Variants in PLEKHH2 observed in about 807,000 individuals in gnomAD.
PLEKHH2 encodes pleckstrin homology, MyTH4 and FERM domain containing H2, also known as pleckstrin homology domain-containing family H member 2.
In PLEKHH2, 129 loss-of-function variants were observed where a neutral mutation model predicts 187.9. The observed-to-expected ratio is 0.69, with a 90% CI of 0.59 to 0.79. The LOEUF (loss-of-function observed/expected upper bound fraction) is 0.79. Ranked by LOEUF, PLEKHH2 falls within the 30% of genes least tolerant of loss-of-function variation. PLEKHH2 has a pLI of 0.00. For synonymous variants in PLEKHH2, 686 were observed against 605.6 expected (o/e 1.13, Z -1.95); for missense variants, 2,076 against 1,751.2 (o/e 1.19, Z -3.31).
chr2:43,648,164 G>T (rs1426975811), intron 2 of PLEKHH2, among the ~76,000 whole-genome samples: 1 of 152,046 alleles, frequency 6.6e-6, no homozygotes, highest in Non-Finnish European at 1.5e-5. Flanking sequence ...TTATTTTCCT[G>T]TGTCTTTCTG....
chr2:43,686,386 G>A (rs1668509424), intron 3 of PLEKHH2, among the ~76,000 whole-genome samples: 1 of 152,088 alleles, frequency 6.6e-6, no homozygotes, highest in East Asian at 1.9e-4. Flanking sequence ...TAGTAGAGAC[G>A]GTGTTTCATC....
chr2:43,746,086 A>G, intron 24 of PLEKHH2, 123 bp downstream of exon 24: 1 of 562,074 alleles, frequency 1.8e-6, no homozygotes, highest in Non-Finnish European at 2.8e-6. Context: ...GTCTTTCTAT[A>G]AATGATAACT....
intron 8 of PLEKHH2, among the ~76,000 whole-genome samples, chr2:43,703,515 G>C (rs1669493422): frequency 6.6e-6 from 1 of 152,046 alleles, no homozygotes; most frequent in Non-Finnish European, 1.5e-5. Flanking sequence ...TCCATTCTTT[G>C]TTTAACCATG....
chr2:43,671,018 C>T (rs1485053680), intron 2 of PLEKHH2, among the ~76,000 whole-genome samples: 1 of 151,004 alleles, frequency 6.6e-6, no homozygotes, highest in East Asian at 1.9e-4. Context: ...AAGTGTCGCC[C>T]TTGTCCCCCA....
chr2:43,643,475 G>A (rs1165747678), intron 1 of PLEKHH2, among the ~76,000 whole-genome samples: 1 of 152,086 alleles, frequency 6.6e-6, no homozygotes, highest in Non-Finnish European at 1.5e-5. Context: ...CAATCTTCAT[G>A]CTAGGAAAAT....
chr2:43,648,560 C>CAT (rs3223391), intron 2 of PLEKHH2, among the ~76,000 whole-genome samples: 4 of 137,956 alleles, frequency 2.9e-5, no homozygotes, highest in East Asian at 4.5e-4. Flanking sequence ...TAATTACATT[C>CAT]GTGTGTGTGT....
At chr2:43,693,291 A>G (rs1668912589) in intron 4 of PLEKHH2, among the ~76,000 whole-genome samples, 1 of 152,126 alleles carries the variant, frequency 6.6e-6, no homozygotes, top group Non-Finnish European at 1.5e-5. Context: ...ATGCCCCTAA[A>G]TTGTTTGCAA....
chr2:43,702,527 C>A (rs1319918673), intron 8 of PLEKHH2, among the ~76,000 whole-genome samples: 2 of 57,400 alleles, frequency 3.5e-5, no homozygotes, highest in Non-Finnish European at 3.0e-5. Flanking sequence ...CATTCTACTA[C>A]TTTTTTTTTT....
intron 2 of PLEKHH2, among the ~76,000 whole-genome samples, chr2:43,656,136 T>G (rs534633151): frequency 2.0e-5 from 3 of 152,126 alleles, no homozygotes; most frequent in Non-Finnish European, 4.4e-5. Context: ...TTTGTATTTT[T>G]GATAGAGATG....
Position 43,731,378 on chromosome 2 carries a change from C to T in PLEKHH2, c.2831-112C>T, listed in dbSNP as rs115285829. 1,666 of 704,172 alleles carry T rather than the reference C, an allele frequency of 2.4e-3. 16 individuals are homozygous for T. In the African/African-American group the frequency reaches 0.026, roughly 11 times the overall value. The allele number at this position is 704,172 out of a possible 1,614,324, so 43.6% of individuals were successfully genotyped here. On this transcript the variant is annotated intron_variant, in intron 18 of 29. Coordinates refer to ENST00000282406, the MANE Select transcript of PLEKHH2 (RefSeq NM_172069.4). ...AAGAGTTTTTTTCTGACCTTTGTGA[C>T]TTAAAGTTGTGAGCCAAGCCTGAAT...
At chr2:43,731,665 G>T (rs1468594038) in intron 19 of PLEKHH2, 63 bp downstream of exon 19, 1 of 1,053,232 alleles carries the variant, frequency 9.5e-7, no homozygotes, top group East Asian at 3.1e-5. Context: ...TTAAATAATT[G>T]GAAAAAAATT....
rs543014174 is a variant in PLEKHH2 at position 43,738,058 on chromosome 2, T to C, written c.2944-283T>C. On this transcript the variant is annotated intron_variant, in intron 19 of 29. Coordinates refer to ENST00000282406, the MANE Select transcript of PLEKHH2 (RefSeq NM_172069.4). ...TCACATGTATTCTGAAGCTCTGTTA[T>C]TAAGTATGTAGATGTTTAGGATTGT... Among the ~76,000 whole-genome samples, 16 of 152,328 alleles carry C rather than the reference T, an allele frequency of 1.1e-4. No homozygotes were observed. In the East Asian group the frequency reaches 3.1e-3, roughly 29 times the overall value.
intron 18 of PLEKHH2, among the ~76,000 whole-genome samples, chr2:43,730,427 C>G (rs1182858448): frequency 6.6e-6 from 1 of 152,166 alleles, no homozygotes; most frequent in Admixed American, 6.5e-5. Context: ...GAGACGGAGT[C>G]TCACTCTGTC....
intron 11 of PLEKHH2, among the ~76,000 whole-genome samples, chr2:43,708,470 C>T (rs1669783734): frequency 6.6e-6 from 1 of 152,242 alleles, no homozygotes; most frequent in Non-Finnish European, 1.5e-5. Flanking sequence ...GACTCCCTCA[C>T]CTCCATCAGC....
chr2:43,675,957 G>T, intron 2 of PLEKHH2: 1 of 1,613,906 alleles, frequency 6.2e-7, no homozygotes, highest in South Asian at 1.1e-5. Context: ...ATTTGTAAGC[G>T]GTCCTCATCT....
rs1025803416 is a variant in PLEKHH2 at position 43,648,761 on chromosome 2, G to A, written c.123+3965G>A. ...ACATCTGGCTAATTTTGTATTTTGGGTAGAGACGGGGTTTCACCATGTTGG... is the reference window on the plus strand; with the variant it reads ...ACATCTGGCTAATTTTGTATTTTGGATAGAGACGGGGTTTCACCATGTTGG... On this transcript the variant is annotated intron_variant, in intron 2 of 29. Transcript: ENST00000282406. Among the ~76,000 whole-genome samples, 7 of 151,432 alleles carry A rather than the reference G, an allele frequency of 4.6e-5. No homozygotes were observed. The South Asian group carries it at 1.5e-3, about 31-fold the overall frequency.
chr2:43,697,138 T>C, intron 6 of PLEKHH2, 33 bp from the exon 7 acceptor site: 1 of 1,505,268 alleles, frequency 6.6e-7, no homozygotes, highest in Non-Finnish European at 9.0e-7. Flanking sequence ...CTATAAAAAA[T>C]TCAAATCTTA....
At chr2:43,694,397 G>C (rs1259285657) in intron 4 of PLEKHH2, 34 bp from the exon 5 acceptor site, 3 of 1,530,380 alleles carry the variant, frequency 2.0e-6, no homozygotes, top group Admixed American at 2.0e-5. Flanking sequence ...TTGAGTTTAT[G>C]TTTGAACTAA....
Position 43,692,661 on chromosome 2 carries a change from C to T in PLEKHH2, c.334C>T (p.Gln112Ter), listed in dbSNP as rs752169648. ...AAACTTGGAATTGCAACTTGAAGAG[C>T]AGGTTAGGAAGAATTTGATAAAGAG... The part of the protein sequence containing the change: ...IQNLELQLEE[Q>*]KQIRIQEAKI... Residue 112 changes from glutamine to a stop codon, truncating the protein, a stop_gained and splice_region_variant, in exon 4 of 30, where the codon CAG (glutamine) becomes TAG (stop). Transcript: ENST00000282406. LOFTEE classifies it high-confidence loss of function. 2.5e-6 allele frequency: 4 copies of T among 1,612,408 alleles called. No individual in the cohort carries two copies. The Admixed American group carries it at 5.0e-5, about 20-fold the overall frequency.
Sources: gnomAD v4.1 joint callset for allele counts (sites outside exome capture counted in the v4.1 genomes callset) on GRCh38, gnomAD v4.1.1 for gene constraint, MANE v1.5 for transcripts, NCBI Gene and HGNC (gene_info 2026-07-23, HGNC 2026-07-21) for gene names.